The following DGKB variants were observed in gnomAD, a reference collection of about 807,000 sequenced individuals.
DGKB encodes diacylglycerol kinase beta.
A neutral mutation model predicts 114.3 loss-of-function variants in DGKB; 67 were observed. The ratio of observed to expected loss-of-function variants is 0.59; its 90% CI spans 0.48 to 0.72. The LOEUF (loss-of-function observed/expected upper bound fraction) is 0.72, where lower values mean the gene tolerates loss of function less well. Among genes scored for constraint, DGKB ranks in the 30% least tolerant of loss-of-function variants. DGKB has a pLI of 0.00. For synonymous variants in DGKB, 398 were observed against 323.1 expected, an observed-to-expected ratio of 1.23 and a Z score of -2.49; for missense variants, 907 against 975.2, an observed-to-expected ratio of 0.93 and a Z score of 0.93.
chr7:14,825,018 A>G (rs10242291), intron 2 of DGKB, among the ~76,000 whole-genome samples: 10,220 of 47,578 alleles, frequency 0.21, 728 homozygotes, highest in African/African-American at 0.49. Context: ...ATGTGTATGT[A>G]TATATATATA....
chr7:14,712,489 T>C (rs1017833302), intron 6 of DGKB, among the ~76,000 whole-genome samples: 47 of 152,108 alleles, frequency 3.1e-4, no homozygotes, highest in African/African-American at 1.1e-3. Flanking sequence ...CTGACCAACA[T>C]GGTGAAACCC....
chr7:14,804,344 T>C (rs1157824772), intron 2 of DGKB, among the ~76,000 whole-genome samples: 1 of 152,098 alleles, frequency 6.6e-6, no homozygotes, highest in Non-Finnish European at 1.5e-5. Context: ...TTTTTCTCCT[T>C]ATCCTATATA....
At chr7:14,550,459 TA>T (rs1794951292) in intron 20 of DGKB, among the ~76,000 whole-genome samples, 1 of 152,188 alleles carries the variant, frequency 6.6e-6, no homozygotes, top group Non-Finnish European at 1.5e-5. Context: ...ATTCTGGAGA[TA>T]AATAACCTGT....
At position 14,641,814 on chromosome 7, in the gene DGKB, G is replaced by A. The variant is rs536009376; in HGVS notation, c.1135-11546C>T. On this transcript the variant is annotated intron_variant, in intron 13 of 25. Coordinates refer to ENST00000402815, the MANE Select transcript of DGKB (RefSeq NM_001350709.2). The stretch of plus-strand genomic sequence containing the variant: ...AATAAGCATTTTTTTATTACTCTTC[G>A]TTTTTAAGATTTTATAATGTTTATG... Among the ~76,000 whole-genome samples, 95 of 151,778 alleles carry A rather than the reference G, an allele frequency of 6.3e-4. 1 individual carries two copies. The highest frequency in any genetic ancestry group is 6.9e-3 in the Middle Eastern group (2 of 288).
intron 20 of DGKB, among the ~76,000 whole-genome samples, chr7:14,512,369 A>G (rs570097904): frequency 3.9e-5 from 6 of 152,142 alleles, no homozygotes; most frequent in Non-Finnish European, 8.8e-5. Context: ...GTTATACATA[A>G]TCAATGACTA....
At chr7:14,513,048 A>G (rs982238524) in intron 20 of DGKB, among the ~76,000 whole-genome samples, 2 of 152,118 alleles carry the variant, frequency 1.3e-5, no homozygotes, top group Non-Finnish European at 1.5e-5. Context: ...TCCTTGGTAC[A>G]AGGTTCAGAA....
chr7:14,615,750 G>T (rs889634339), intron 15 of DGKB, among the ~76,000 whole-genome samples: 3 of 151,818 alleles, frequency 2.0e-5, no homozygotes, highest in Non-Finnish European at 4.4e-5. Flanking sequence ...TTTTCAGACA[G>T]TCCTAACATA....
At chr7:14,326,893 A>G (rs1173551738) in intron 23 of DGKB, among the ~76,000 whole-genome samples, 1 of 152,142 alleles carries the variant, frequency 6.6e-6, no homozygotes, top group Admixed American at 6.6e-5. Flanking sequence ...CCAATTAAGT[A>G]CACATGCAAA....
chr7:14,445,826 T>C (rs980094708), intron 21 of DGKB, among the ~76,000 whole-genome samples: 1 of 151,984 alleles, frequency 6.6e-6, no homozygotes, highest in Non-Finnish European at 1.5e-5. Context: ...CTTATGAAAA[T>C]GCTATATCCT....
At chr7:14,286,664 A>G (rs902616131) in intron 23 of DGKB, among the ~76,000 whole-genome samples, 2 of 152,130 alleles carry the variant, frequency 1.3e-5, no homozygotes, top group Non-Finnish European at 2.9e-5. Flanking sequence ...TATAAAATAC[A>G]TGTTTTTCAA....
At chr7:14,806,795 T>G (rs2128066035) in intron 2 of DGKB, among the ~76,000 whole-genome samples, 1 of 151,860 alleles carries the variant, frequency 6.6e-6, no homozygotes, top group South Asian at 2.1e-4. Flanking sequence ...GCTGCTATTC[T>G]CAGATCATTT....
intron 20 of DGKB, among the ~76,000 whole-genome samples, chr7:14,511,889 G>C (rs1188305543): frequency 6.6e-6 from 1 of 152,156 alleles, no homozygotes; most frequent in Non-Finnish European, 1.5e-5. Flanking sequence ...TTCTCCATCA[G>C]CAGTCAGCGA....
rs890686825 is a variant in DGKB, at chr7:14,616,031, T to A, written c.1285-2618A>T. 6.0e-5 allele frequency among the ~76,000 whole-genome samples: 9 copies of A among 150,864 alleles called. No homozygotes were observed. In the East Asian group the frequency reaches 1.2e-3, roughly 19 times the overall value. ...TTTTTTAAATTTTACAGTAATATTT[T>A]TATTTTTTTGAAAAACTCTCAAATT... On this transcript the variant is annotated intron_variant, in intron 15 of 25. Transcript: ENST00000402815.
intron 16 of DGKB, among the ~76,000 whole-genome samples, chr7:14,610,760 T>C (rs1461225717): frequency 1.3e-5 from 2 of 152,062 alleles, no homozygotes; most frequent in Non-Finnish European, 2.9e-5. Context: ...CTATCTGACG[T>C]TGTCCTTGGC....
intron 21 of DGKB, among the ~76,000 whole-genome samples, chr7:14,383,908 C>T (rs1420221162): frequency 1.3e-5 from 2 of 152,202 alleles, no homozygotes; most frequent in African/African-American, 2.4e-5. Context: ...AGCCTGTCAA[C>T]AGAGGACATG....
At chr7:14,382,290 A>ATT (rs376231278) in intron 21 of DGKB, among the ~76,000 whole-genome samples, 1 of 148,566 alleles carries the variant, frequency 6.7e-6, no homozygotes, top group Non-Finnish European at 1.5e-5. Context: ...AACAGTGGCA[A>ATT]TTTTTTTTTT....
chr7:14,417,293 C>T (rs1258074564), intron 21 of DGKB, among the ~76,000 whole-genome samples: 1 of 151,900 alleles, frequency 6.6e-6, no homozygotes, highest in Non-Finnish European at 1.5e-5. Flanking sequence ...TTGTTATATG[C>T]AGATGCTGTA....
chr7:14,669,387 C>T (rs1818574491), intron 13 of DGKB, among the ~76,000 whole-genome samples: 1 of 152,192 alleles, frequency 6.6e-6, no homozygotes, highest in South Asian at 2.1e-4. Context: ...AGCCACTAAT[C>T]CCCCCAGTGC....
At chr7:14,923,603 G>T (rs574896266) in intron 1 of DGKB, among the ~76,000 whole-genome samples, 10 of 151,946 alleles carry the variant, frequency 6.6e-5, no homozygotes, top group Non-Finnish European at 1.3e-4. Flanking sequence ...TTGAAACATT[G>T]TATTCATCCC....
Sources: gnomAD v4.1 joint callset for allele counts (sites outside exome capture counted in the v4.1 genomes callset) on GRCh38, gnomAD v4.1.1 for gene constraint, MANE v1.5 for transcripts, NCBI Gene and HGNC (gene_info 2026-07-23, HGNC 2026-07-21) for gene names.